The following TFB2M variants were observed in gnomAD, a reference collection of about 807,000 sequenced individuals.
TFB2M encodes dimethyladenosine transferase 2, mitochondrial.
Under a neutral mutation model 41.3 loss-of-function variants are expected in TFB2M, and 44 were observed. That is an observed-to-expected ratio of 1.07 (90% confidence interval 0.84 to 1.37). The LOEUF (loss-of-function observed/expected upper bound fraction) is 1.37, where lower values mean the gene tolerates loss of function less well. TFB2M is among the 40% of genes most tolerant of loss of function. The pLI is 0.00. For synonymous variants in TFB2M, 188 were observed against 176.8 expected (o/e 1.06, Z -0.50); for missense variants, 496 against 490.2 (o/e 1.01, Z -0.11).
intron 5 of TFB2M, among the ~76,000 whole-genome samples, chr1:246,550,615 G>C (rs1337768658): frequency 3.3e-5 from 5 of 152,326 alleles, no homozygotes; most frequent in African/African-American, 9.6e-5. Flanking sequence ...CAGGCGCAGT[G>C]GCTCACGCCT....
At chr1:246,549,410 T>C (rs1659111160) in intron 5 of TFB2M, among the ~76,000 whole-genome samples, 1 of 151,830 alleles carries the variant, frequency 6.6e-6, no homozygotes, top group South Asian at 2.1e-4. Flanking sequence ...GGTGAAACCC[T>C]GTCTCTTCAA....
intron 2 of TFB2M, among the ~76,000 whole-genome samples, chr1:246,559,805 C>A (rs1659411446): frequency 6.6e-6 from 1 of 152,092 alleles, no homozygotes; most frequent in Non-Finnish European, 1.5e-5. Flanking sequence ...TAATTTAAGT[C>A]AGGGGTCTAC....
intron 7 of TFB2M, among the ~76,000 whole-genome samples, chr1:246,542,250 A>T (rs3124109): frequency 0.24 from 36,270 of 149,802 alleles, 4,830 homozygotes; most frequent in Middle Eastern, 0.44. Context: ...TATATATATA[A>T]GGTATATTAT....
intron 1 of TFB2M, among the ~76,000 whole-genome samples, chr1:246,564,836 CG>C (rs1659566724): frequency 6.6e-6 from 1 of 152,100 alleles, no homozygotes; most frequent in Admixed American, 6.6e-5. Context: ...CCCGCCACCA[CG>C]CCCGGCTAAT....
intron 6 of TFB2M, among the ~76,000 whole-genome samples, chr1:246,544,962 C>G (rs9661757): frequency 6.6e-6 from 1 of 151,862 alleles, no homozygotes; most frequent in South Asian, 2.1e-4. Flanking sequence ...CCCACCACCA[C>G]GCCTGGCTAA....
intron 5 of TFB2M, among the ~76,000 whole-genome samples, chr1:246,550,092 C>T (rs917074263): frequency 2.6e-5 from 4 of 152,174 alleles, no homozygotes; most frequent in African/African-American, 9.7e-5. Flanking sequence ...AACACGGGAC[C>T]TTTGAAAGCA....
At chr1:246,548,846 C>T (rs546765048) in intron 5 of TFB2M, among the ~76,000 whole-genome samples, 13 of 152,270 alleles carry the variant, frequency 8.5e-5, no homozygotes, top group African/African-American at 2.6e-4. Context: ...AACATGACTT[C>T]GCCTGTTATG....
chr1:246,566,015 A>G lies in TFB2M; in HGVS notation c.124T>C (p.Cys42Arg), dbSNP rs1481458619. ...TRKHLPARNH[C>R]GLSDSSPQLW... is the part of the protein sequence containing the mutation. ...TGCGGAGAGGAGTCAGAGAGCCCAC[A>G]GTGGTTCCTCGCCGGCAAATGCTTT... is the stretch of plus-strand genomic sequence containing the variant. The change falls in exon 1 of 8, where the codon TGT (cysteine) becomes CGT (arginine). Residue 42 changes from cysteine to arginine, a missense_variant. Coordinates refer to ENST00000366514, the MANE Select transcript of TFB2M (RefSeq NM_022366.3). The G allele has an allele frequency of 1.2e-6, 2 of 1,613,036 alleles. No homozygotes were observed. The highest frequency in any genetic ancestry group is 2.7e-5 in the African/African-American group (2 of 74,876).
intron 2 of TFB2M, among the ~76,000 whole-genome samples, chr1:246,560,923 C>T (rs1342939870): frequency 1.3e-5 from 2 of 152,090 alleles, no homozygotes; most frequent in East Asian, 3.8e-4. Context: ...ACCAGTCTGG[C>T]CAACATGGTA....
chr1:246,545,838 C>T (rs556559333), intron 6 of TFB2M, among the ~76,000 whole-genome samples: 1 of 141,912 alleles, frequency 7.0e-6, no homozygotes, highest in Non-Finnish European at 1.6e-5. Flanking sequence ...AAAAAAAGAC[C>T]TAGATTCCCC....
Position 246,548,625 on chromosome 1 carries a change from AGCAAAACAAC to A in TFB2M, c.796-28_796-19del. The A allele has an allele frequency of 6.2e-7, 1 of 1,607,866 alleles. No homozygotes were observed. The highest frequency in any genetic ancestry group is 1.7e-4 in the Middle Eastern group (1 of 6,038). Reference sequence around the variant, plus strand: ...CAAGGCTCCTGGGGAAGAAAAACAAAGCAAAACAACATCTTTTATTTCTCTTTGGTCAAAG... The same window carrying A: ...CAAGGCTCCTGGGGAAGAAAAACAAAATCTTTTATTTCTCTTTGGTCAAAG... On this transcript the variant is annotated intron_variant, in intron 5 of 7. Transcript: ENST00000366514.
intron 7 of TFB2M, among the ~76,000 whole-genome samples, chr1:246,543,412 G>T (rs768053105): frequency 6.6e-6 from 1 of 152,062 alleles, no homozygotes; most frequent in Non-Finnish European, 1.5e-5. Flanking sequence ...CTGGGCGCGG[G>T]AGCTCATGCC....
intron 2 of TFB2M, among the ~76,000 whole-genome samples, chr1:246,559,568 A>G (rs1214265275): frequency 6.6e-6 from 1 of 152,158 alleles, no homozygotes; most frequent in Admixed American, 6.6e-5. Context: ...TAAACAAACA[A>G]ATCTAGTACA....
intron 6 of TFB2M, among the ~76,000 whole-genome samples, chr1:246,545,077 A>AT (rs1658975898): frequency 6.6e-6 from 1 of 151,536 alleles, no homozygotes; most frequent in Non-Finnish European, 1.5e-5. Context: ...AAGTGCTGGG[A>AT]TTACAGGCGT....
chr1:246,555,861 G>C (rs1659309156), intron 4 of TFB2M, among the ~76,000 whole-genome samples: 1 of 152,026 alleles, frequency 6.6e-6, no homozygotes, highest in South Asian at 2.1e-4. Context: ...CATGATCTGG[G>C]CTTATAGCAA....
At chr1:246,550,200 T>C (rs1413121298) in intron 5 of TFB2M, among the ~76,000 whole-genome samples, 1 of 152,146 alleles carries the variant, frequency 6.6e-6, no homozygotes, top group Non-Finnish European at 1.5e-5. Flanking sequence ...GACAGAAGAC[T>C]TGAGATGAAA....
chr1:246,564,681 C>CTTT (rs552531866), intron 1 of TFB2M, among the ~76,000 whole-genome samples: 12 of 141,196 alleles, frequency 8.5e-5, no homozygotes, highest in African/African-American at 2.8e-4. Flanking sequence ...AACCTGCACT[C>CTTT]TTTTTTTTTT....
intron 7 of TFB2M, among the ~76,000 whole-genome samples, chr1:246,541,907 T>A (rs1658865955): frequency 6.6e-6 from 1 of 152,238 alleles, no homozygotes; most frequent in Admixed American, 6.5e-5. Flanking sequence ...TATACAGTCA[T>A]GCATTGCTTA....
intron 2 of TFB2M, among the ~76,000 whole-genome samples, chr1:246,558,213 CCCAGCTGA>C (rs1558513912): frequency 6.7e-6 from 1 of 148,394 alleles, no homozygotes; most frequent in Non-Finnish European, 1.5e-5. Flanking sequence ...GTGGCGCAAT[CCCAGCTGA>C]CTGCAGCCTT....
Sources: allele counts gnomAD v4.1 joint callset (sites outside exome capture counted in the v4.1 genomes callset), GRCh38; gene constraint gnomAD v4.1.1; transcripts MANE v1.5; gene names NCBI Gene and HGNC (gene_info 2026-07-23, HGNC 2026-07-21).